The following CREG2 variants were observed in gnomAD, a reference collection of about 807,000 sequenced individuals.
The protein encoded by CREG2 is protein CREG2.
CREG2 carries 24 observed loss-of-function variants against 26.2 expected under a neutral mutation model. The ratio of observed to expected loss-of-function variants is 0.92; its 90% CI spans 0.66 to 1.29. The LOEUF is 1.29. Among genes scored for constraint, CREG2 ranks in the 50% most tolerant of loss-of-function variants. The pLI is 0.00. For synonymous variants in CREG2, 174 were observed against 169.2 expected (o/e 1.03, Z -0.22); for missense variants, 366 against 398.6 (o/e 0.92, Z 0.70).
At position 101,350,871 on chromosome 2, in the gene CREG2, C is replaced by T. The variant is rs975969604; in HGVS notation, c.*52G>A. 8.8e-6 allele frequency: 14 copies of T among 1,593,836 alleles called. No individual in the cohort carries two copies. In the Admixed American group the frequency reaches 2.4e-4, roughly 27 times the overall value. ...GGTCAATAGCTGTCTGGCTGCATCA[C>T]TGAAAAGGTTTTCATTTAAGTGCAA... is the stretch of plus-strand genomic sequence containing the variant. On this transcript the variant is annotated 3_prime_UTR_variant, in exon 4 of 4. Coordinates refer to ENST00000324768, the MANE Select transcript of CREG2 (RefSeq NM_153836.4).
At chr2:101,354,765 T>G (rs887525309) in intron 3 of CREG2, among the ~76,000 whole-genome samples, 3 of 152,106 alleles carry the variant, frequency 2.0e-5, no homozygotes, top group African/African-American at 7.2e-5. Context: ...GGAGCATGCC[T>G]TTCACAATAC....
chr2:101,377,262 A>T (rs1284222251), intron 2 of CREG2, among the ~76,000 whole-genome samples: 1 of 152,158 alleles, frequency 6.6e-6, no homozygotes, highest in Admixed American at 6.5e-5. Flanking sequence ...AAAAAAAAAA[A>T]GAAATGTTTT....
chr2:101,375,387 C>G (rs983813151), intron 2 of CREG2, among the ~76,000 whole-genome samples: 14 of 152,166 alleles, frequency 9.2e-5, no homozygotes, highest in African/African-American at 3.4e-4. Flanking sequence ...CCAAGAGCCA[C>G]TGGTCATGGT....
At chr2:101,382,484 T>G (rs1057217312) in intron 2 of CREG2, 4 of 981,656 alleles carry the variant, frequency 4.1e-6, no homozygotes, top group Admixed American at 1.2e-4. Context: ...AATGTACTTC[T>G]AGTAACAGTA....
At position 101,349,242 on chromosome 2, in the gene CREG2, A is replaced by G. The variant is rs1684343211; in HGVS notation, c.*1681T>C. 6.6e-6 allele frequency: 1 copy of G among 152,634 alleles called. No individual in the cohort carries two copies. Among genetic ancestry groups the G allele is most frequent in the African/African-American group, 2.4e-5 (1 of 41,460 alleles). 9.5% of individuals were successfully genotyped at this position (152,634 alleles called of 1,614,324 possible). ...AGCAATAATTTTAAACTCTGAAAAT[A>G]TAAAATTCCCTCAGAAGTACCTTAT... On this transcript the variant is annotated 3_prime_UTR_variant, in exon 4 of 4. Coordinates refer to ENST00000324768, the MANE Select transcript of CREG2 (RefSeq NM_153836.4).
At chr2:101,379,969 TTCTA>T (rs34370954) in intron 2 of CREG2, among the ~76,000 whole-genome samples, 15,805 of 147,768 alleles carry the variant, frequency 0.11, 1,029 homozygotes, top group East Asian at 0.21. Flanking sequence ...GTGTGAAAGC[TTCTA>T]TCTATCTATC....
intron 2 of CREG2, among the ~76,000 whole-genome samples, chr2:101,380,082 A>G (rs549584234): frequency 7.9e-5 from 12 of 152,142 alleles, no homozygotes; most frequent in African/African-American, 2.9e-4. Context: ...TCATCTATCT[A>G]TTCATCCATC....
chr2:101,373,934 G>A (rs1458454049), intron 2 of CREG2, among the ~76,000 whole-genome samples: 2 of 152,156 alleles, frequency 1.3e-5, no homozygotes, highest in African/African-American at 2.4e-5. Context: ...TGGCACGATC[G>A]CTGCTCACTG....
At chr2:101,383,011 G>T in intron 2 of CREG2, 3 of 986,768 alleles carry the variant, frequency 3.0e-6, no homozygotes, top group Non-Finnish European at 2.4e-6. Flanking sequence ...AATGTCTTTA[G>T]AAGTGTTTTC....
rs577849557 is a variant in CREG2 at position 101,354,102 on chromosome 2, G to A, written c.725+1151C>T. ...TAACAAACCTGCATGTTCTGCACACGTATCCCAGAACTTAAAATAAAAATA... is the reference window on the plus strand; with the variant it reads ...TAACAAACCTGCATGTTCTGCACACATATCCCAGAACTTAAAATAAAAATA... On this transcript the variant is annotated intron_variant, in intron 3 of 3. Transcript: ENST00000324768. 2.2e-3 allele frequency among the ~76,000 whole-genome samples: 328 copies of A among 152,134 alleles called. 4 individuals are homozygous for A. Among genetic ancestry groups the A allele is most frequent in the African/African-American group, 7.4e-3 (308 of 41,490 alleles).
chr2:101,366,071 C>T (rs1356414228), intron 2 of CREG2, among the ~76,000 whole-genome samples: 4 of 152,146 alleles, frequency 2.6e-5, no homozygotes, highest in East Asian at 3.8e-4. Context: ...CAAGTTTCTT[C>T]GAATGCCTCA....
chr2:101,347,521 T>C lies in CREG2; in HGVS notation c.*3402A>G, dbSNP rs573683182. On this transcript the variant is annotated 3_prime_UTR_variant, in exon 4 of 4. Transcript: ENST00000324768. ...TTTATTTTAGCAATTTTGGTAGCTA[T>C]GTAGTGATATCTCATTGTAGTATTA... 57 of 152,340 alleles carry C rather than the reference T, an allele frequency of 3.7e-4. No individual in the cohort carries two copies. Among genetic ancestry groups the C allele is most frequent in the African/African-American group, 1.3e-3 (55 of 41,582 alleles). The allele number at this position is 152,340 out of a possible 1,614,324, so 9.4% of individuals were successfully genotyped here. A position where few individuals can be genotyped will look rare whatever the true frequency, so the allele number is the denominator to read the frequency against.
chr2:101,369,409 A>G (rs1037913762), intron 2 of CREG2, among the ~76,000 whole-genome samples: 8 of 152,166 alleles, frequency 5.3e-5, no homozygotes, highest in African/African-American at 1.7e-4. Context: ...GGGGAGGAGA[A>G]GAAGCGGGGT....
intron 1 of CREG2, among the ~76,000 whole-genome samples, chr2:101,384,770 A>G (rs1433058279): frequency 6.6e-6 from 1 of 152,242 alleles, no homozygotes; most frequent in Non-Finnish European, 1.5e-5. Flanking sequence ...CTGAGGCAGC[A>G]GGGTTGCTTG....
At position 101,347,095 on chromosome 2, in the gene CREG2, C is replaced by T. The variant is rs926219091; in HGVS notation, c.*3828G>A. The T allele has an allele frequency of 6.6e-6, 1 of 152,170 alleles. No homozygotes were observed. The highest frequency in any genetic ancestry group is 2.4e-5 in the African/African-American group (1 of 41,438). 9.4% of individuals were successfully genotyped at this position (152,170 alleles called of 1,614,324 possible). A position where few individuals can be genotyped will look rare whatever the true frequency, so the allele number is the denominator to read the frequency against. ...ACAGTGTGCAAACTTTTATGATTGG[C>T]TTTGCTCACTCAGCACAATTCTCTG... On this transcript the variant is annotated 3_prime_UTR_variant, in exon 4 of 4. Transcript: ENST00000324768.
chr2:101,355,450 TA>T (rs1684442776), intron 2 of CREG2, 84 bp from the exon 3 acceptor site: 1 of 796,136 alleles, frequency 1.3e-6, no homozygotes, highest in African/African-American at 1.7e-5. Context: ...AACTTAAAAA[TA>T]GTAGTCACAT....
chr2:101,376,708 C>T (rs1052262183), intron 2 of CREG2, among the ~76,000 whole-genome samples: 8 of 152,184 alleles, frequency 5.3e-5, no homozygotes, highest in African/African-American at 1.2e-4. Context: ...CAACATGATA[C>T]GAGCTTTTGC....
chr2:101,368,220 G>A (rs536756043), intron 2 of CREG2, among the ~76,000 whole-genome samples: 3 of 151,642 alleles, frequency 2.0e-5, no homozygotes, highest in Middle Eastern at 3.4e-3. Context: ...TCCGGGAGGC[G>A]GAGCTTGCAG....
intron 2 of CREG2, among the ~76,000 whole-genome samples, chr2:101,365,455 C>A (rs1256090737): frequency 6.6e-6 from 1 of 152,180 alleles, no homozygotes; most frequent in Non-Finnish European, 1.5e-5. Context: ...TTCCCTGATT[C>A]ATCATCACAG....
Sources: allele counts gnomAD v4.1 joint callset (sites outside exome capture counted in the v4.1 genomes callset), GRCh38; gene constraint gnomAD v4.1.1; transcripts MANE v1.5; gene names NCBI Gene and HGNC (gene_info 2026-07-23, HGNC 2026-07-21).